NEDD4L: variants seen among roughly 807,000 people sequenced by gnomAD.
NEDD4L encodes NEDD4 like E3 ubiquitin protein ligase.
In NEDD4L, 54 loss-of-function variants were observed where a neutral mutation model predicts 148.9. The observed-to-expected ratio is 0.36, with a 90% CI of 0.29 to 0.45. The LOEUF is 0.45. Among genes scored for constraint, NEDD4L ranks in the 20% least tolerant of loss-of-function variants. The probability of loss-of-function intolerance (pLI) is 1.00; values close to 1 mark genes in which losing one functional copy is unlikely to be tolerated. For missense variants in NEDD4L, 856 were observed against 1,233.8 expected (o/e 0.69, Z 4.59); for synonymous variants, 433 against 440.7 (o/e 0.98, Z 0.22).
chr18:58,085,572 C>G (rs753140694), intron 1 of NEDD4L, among the ~76,000 whole-genome samples: 2 of 152,110 alleles, frequency 1.3e-5, no homozygotes, highest in Non-Finnish European at 2.9e-5. Context: ...AGCTTCAGAA[C>G]GGAGGCATCT....
Position 58,391,632 on chromosome 18 carries a change from G to C in NEDD4L, c.2825+73G>C, listed in dbSNP as rs1172276073. On this transcript the variant is annotated intron_variant, in intron 30 of 30. Transcript: ENST00000400345. ...AGCTGGGTATGGTGCTGGGCTCAAG[G>C]CTATTGAATGCTCTGTTTCCTGTCT... 5 of 986,260 alleles carry C rather than the reference G, an allele frequency of 5.1e-6. No homozygotes were observed. The African/African-American group carries it at 8.1e-5, about 16-fold the overall frequency. The allele number at this position is 986,260 out of a possible 1,614,324, so 61.1% of individuals were successfully genotyped here.
chr18:58,058,633 A>G (rs1233945139), intron 1 of NEDD4L, among the ~76,000 whole-genome samples: 3 of 152,242 alleles, frequency 2.0e-5, no homozygotes, highest in African/African-American at 7.2e-5. Flanking sequence ...TACTTGTCAC[A>G]CTGGAGAGAC....
At chr18:58,212,155 C>T (rs1328371059) in intron 2 of NEDD4L, among the ~76,000 whole-genome samples, 1 of 152,074 alleles carries the variant, frequency 6.6e-6, no homozygotes, top group Non-Finnish European at 1.5e-5. Flanking sequence ...TTTTTTGAGA[C>T]GGTCTCACTC....
intron 2 of NEDD4L, among the ~76,000 whole-genome samples, chr18:58,238,971 A>G (rs557591847): frequency 2.9e-4 from 44 of 152,358 alleles, no homozygotes; most frequent in African/African-American, 1.0e-3. Context: ...TATTGTTTAT[A>G]AATGTTTTAT....
intron 1 of NEDD4L, among the ~76,000 whole-genome samples, chr18:58,139,322 C>T (rs1244257847): frequency 6.0e-5 from 9 of 150,198 alleles, no homozygotes; most frequent in Non-Finnish European, 1.3e-4. Flanking sequence ...ACAGGAGACC[C>T]TCAGATACAT....
At chr18:58,077,334 T>C (rs1318243854) in intron 1 of NEDD4L, among the ~76,000 whole-genome samples, 46 of 151,964 alleles carry the variant, frequency 3.0e-4, no homozygotes. Flanking sequence ...GCCCAGCTAA[T>C]TTTTGTATTT....
intron 2 of NEDD4L, among the ~76,000 whole-genome samples, chr18:58,173,823 C>A (rs1336533567): frequency 6.6e-6 from 1 of 152,192 alleles, no homozygotes; most frequent in Non-Finnish European, 1.5e-5. Flanking sequence ...CTGAACTTCC[C>A]CAGCTGACCT....
At chr18:58,247,158 T>C (rs2047364468) in intron 3 of NEDD4L, 1 of 152,244 alleles carries the variant, frequency 6.6e-6, no homozygotes, top group African/African-American at 2.4e-5. Flanking sequence ...TCTAACACTT[T>C]GCTGAACATT....
At chr18:58,349,447 T>C in intron 16 of NEDD4L, 90 bp from the exon 17 acceptor site, 1 of 1,084,164 alleles carries the variant, frequency 9.2e-7, no homozygotes, top group East Asian at 2.4e-5. Flanking sequence ...CTGGTTGCCT[T>C]GAAACAAACA....
intron 28 of NEDD4L, among the ~76,000 whole-genome samples, chr18:58,389,846 T>G (rs1377293302): frequency 1.3e-5 from 2 of 152,094 alleles, no homozygotes; most frequent in East Asian, 3.8e-4. Context: ...TTTATTTATT[T>G]ATTTTAAAGA....
At chr18:58,267,909 T>C (rs886398551) in intron 5 of NEDD4L, among the ~76,000 whole-genome samples, 1 of 152,068 alleles carries the variant, frequency 6.6e-6, no homozygotes, top group African/African-American at 2.4e-5. Context: ...AGGCAGGCCC[T>C]TCAGAAGCGT....
chr18:58,307,037 G>C (rs1287203699), intron 5 of NEDD4L, among the ~76,000 whole-genome samples: 1 of 152,222 alleles, frequency 6.6e-6, no homozygotes, highest in African/African-American at 2.4e-5. Flanking sequence ...AGTAAAGCTG[G>C]AGCTTTTCCC....
chr18:58,210,329 G>A (rs2042475488), intron 2 of NEDD4L, among the ~76,000 whole-genome samples: 1 of 152,220 alleles, frequency 6.6e-6, no homozygotes. Context: ...TACCAAAGTT[G>A]ATCCAAGAAG....
chr18:58,389,054 T>C, intron 27 of NEDD4L, 31 bp from the exon 28 acceptor site: 2 of 1,578,536 alleles, frequency 1.3e-6, no homozygotes, highest in Non-Finnish European at 1.7e-6. Flanking sequence ...TTTCACATCC[T>C]GCTTTTACAT....
intron 1 of NEDD4L, among the ~76,000 whole-genome samples, chr18:58,156,746 C>G (rs1429529229): frequency 6.6e-6 from 1 of 152,120 alleles, no homozygotes; most frequent in Non-Finnish European, 1.5e-5. Flanking sequence ...TAATACGACT[C>G]ATCTGCTCTC....
intron 24 of NEDD4L, among the ~76,000 whole-genome samples, chr18:58,377,256 T>C (rs527661242): frequency 2.6e-5 from 4 of 152,296 alleles, no homozygotes; most frequent in African/African-American, 4.8e-5. Context: ...TCTGCAAAAC[T>C]GTTGACTCTG....
At chr18:58,162,874 G>A (rs2036393857) in intron 1 of NEDD4L, among the ~76,000 whole-genome samples, 1 of 151,974 alleles carries the variant, frequency 6.6e-6, no homozygotes, top group East Asian at 1.9e-4. Flanking sequence ...GACCAGCTTG[G>A]GCAACATGGT....
chr18:58,287,191 AGGTCCATATGATC>A (rs1159003175), intron 5 of NEDD4L, among the ~76,000 whole-genome samples: 24 of 152,068 alleles, frequency 1.6e-4, no homozygotes, highest in African/African-American at 5.8e-4. Context: ...AGGAGCTAAA[AGGTCCATATGATC>A]AAAAAGGCAG....
At chr18:58,329,683 G>A (rs867033841) in intron 10 of NEDD4L, among the ~76,000 whole-genome samples, 215 of 142,774 alleles carry the variant, frequency 1.5e-3, no homozygotes, top group African/African-American at 5.4e-3. Context: ...TTTTTTCCTA[G>A]TAGAGACGGG....
Sources: gnomAD v4.1 joint callset for allele counts (sites outside exome capture counted in the v4.1 genomes callset) on GRCh38, gnomAD v4.1.1 for gene constraint, MANE v1.5 for transcripts, NCBI Gene and HGNC (gene_info 2026-07-23, HGNC 2026-07-21) for gene names.